Variants in SPIRE1 observed in about 807,000 individuals in gnomAD.
The protein encoded by SPIRE1 is spire type actin nucleation factor 1.
A neutral mutation model predicts 94.1 loss-of-function variants in SPIRE1; 40 were observed. That is an observed-to-expected ratio of 0.43 (90% CI 0.33 to 0.55). SPIRE1 has a LOEUF of 0.55. SPIRE1 is among the 20% of genes least tolerant of loss of function. The pLI is 0.06. For synonymous variants in SPIRE1, 376 were observed against 371.7 expected, an observed-to-expected ratio of 1.01 and a Z score of -0.13; for missense variants, 838 against 975.2, an observed-to-expected ratio of 0.86 and a Z score of 1.87.
chr18:12,461,430 A>ATATACATACATGTG (rs2031799825), intron 12 of SPIRE1, among the ~76,000 whole-genome samples: 8 of 135,832 alleles, frequency 5.9e-5, no homozygotes, highest in Admixed American at 1.5e-4. Flanking sequence ...GTGTGTGTGT[A>ATATACATACATGTG]TGTATGTATA....
chr18:12,461,384 C>A (rs1010242891), intron 12 of SPIRE1, among the ~76,000 whole-genome samples: 11 of 148,190 alleles, frequency 7.4e-5, no homozygotes, highest in African/African-American at 2.8e-4. Context: ...ATGAAAAAAA[C>A]CACAAGTTCC....
chr18:12,653,594 A>G (rs974902284), intron 1 of SPIRE1, among the ~76,000 whole-genome samples: 5 of 152,232 alleles, frequency 3.3e-5, no homozygotes, highest in African/African-American at 4.8e-5. Context: ...CTAGACACTA[A>G]AAGACCAAGA....
intron 6 of SPIRE1, among the ~76,000 whole-genome samples, chr18:12,498,491 G>A (rs550115465): frequency 5.7e-4 from 87 of 152,028 alleles, no homozygotes; most frequent in Non-Finnish European, 1.1e-3. Context: ...CAGGTGATCC[G>A]TCCACCTCGG....
intron 2 of SPIRE1, among the ~76,000 whole-genome samples, chr18:12,579,593 A>G (rs2036204163): frequency 6.6e-6 from 1 of 152,212 alleles, no homozygotes; most frequent in African/African-American, 2.4e-5. Flanking sequence ...AATGCCACTG[A>G]ACTATACAAT....
chr18:12,652,823 A>T (rs35797719), intron 1 of SPIRE1, among the ~76,000 whole-genome samples: 2 of 152,262 alleles, frequency 1.3e-5, no homozygotes, highest in African/African-American at 4.8e-5. Context: ...TTAAAAGTAA[A>T]CAAGAATTAA....
intron 1 of SPIRE1, 141 bp downstream of exon 1, chr18:12,657,389 C>G: frequency 1.5e-6 from 1 of 657,452 alleles, no homozygotes; most frequent in Non-Finnish European, 2.1e-6. Flanking sequence ...CCCTGCGGGT[C>G]CCCGCCGGAT....
chr18:12,617,413 T>C (rs1598538033), intron 2 of SPIRE1, among the ~76,000 whole-genome samples: 2 of 151,698 alleles, frequency 1.3e-5, no homozygotes, highest in South Asian at 4.2e-4. Context: ...TTGTTTTTTG[T>C]TTGTTTGTTT....
At chr18:12,544,980 C>T (rs1414924286) in intron 3 of SPIRE1, among the ~76,000 whole-genome samples, 4 of 152,008 alleles carry the variant, frequency 2.6e-5, no homozygotes, top group Non-Finnish European at 5.9e-5. Context: ...TGTATACTTC[C>T]CCCAACACAC....
intron 2 of SPIRE1, among the ~76,000 whole-genome samples, chr18:12,619,187 C>T (rs1243311988): frequency 6.6e-6 from 1 of 152,180 alleles, no homozygotes; most frequent in Non-Finnish European, 1.5e-5. Flanking sequence ...TGGGCCACCA[C>T]ACCCAGTCCA....
chr18:12,558,756 C>T (rs1216885222), intron 2 of SPIRE1, among the ~76,000 whole-genome samples: 5 of 152,138 alleles, frequency 3.3e-5, no homozygotes, highest in Non-Finnish European at 5.9e-5. Flanking sequence ...CATCCACAAA[C>T]CCGGAGCTAG....
intron 2 of SPIRE1, among the ~76,000 whole-genome samples, chr18:12,584,537 C>T (rs562706949): frequency 2.0e-5 from 3 of 152,202 alleles, no homozygotes; most frequent in Admixed American, 2.0e-4. Context: ...ATAATATAGT[C>T]TCAAAATTTA....
chr18:12,555,788 T>C (rs1705622096), intron 2 of SPIRE1, among the ~76,000 whole-genome samples: 2 of 152,326 alleles, frequency 1.3e-5, no homozygotes, highest in African/African-American at 4.8e-5. Context: ...TTCATCACTG[T>C]TATTCAACAC....
In SPIRE1 at chr18:12,566,701, T is replaced by C. The variant is rs565298429; in HGVS notation, c.373-19797A>G. Among the ~76,000 whole-genome samples, 117 of 152,078 alleles carry C rather than the reference T, an allele frequency of 7.7e-4. 1 individual carries two copies. Among genetic ancestry groups the C allele is most frequent in the African/African-American group, 2.8e-3 (115 of 41,516 alleles). On this transcript the variant is annotated intron_variant, in intron 2 of 16. Transcript: ENST00000409402. ...TAAAGAAACTCAATAAAAGAATAAA[T>C]AATTAATAACCTTCCAAAACAGAAA...
upstream of SPIRE1, chr18:12,662,017 T>G (rs1266507757): frequency 1.1e-5 from 3 of 263,250 alleles, no homozygotes; most frequent in Admixed American, 1.5e-4. Context: ...TTTTTATATT[T>G]ACTTCTTATT....
intron 12 of SPIRE1, among the ~76,000 whole-genome samples, chr18:12,455,168 G>A (rs1568179716): frequency 1.3e-5 from 2 of 152,036 alleles, no homozygotes; most frequent in Admixed American, 6.6e-5. Flanking sequence ...GAACTCCTGG[G>A]CTCAAGTGAT....
intron 2 of SPIRE1, among the ~76,000 whole-genome samples, chr18:12,571,943 G>A (rs1455601147): frequency 6.6e-6 from 1 of 152,182 alleles, no homozygotes; most frequent in African/African-American, 2.4e-5. Flanking sequence ...TGTCATGGGA[G>A]CATATAACAG....
intron 8 of SPIRE1, among the ~76,000 whole-genome samples, chr18:12,489,467 A>C (rs1043243569): frequency 6.6e-6 from 1 of 152,178 alleles, no homozygotes; most frequent in African/African-American, 2.4e-5. Context: ...AGGGGATGCA[A>C]TTATTTCTTG....
chr18:12,499,741 A>C (rs574608355), intron 6 of SPIRE1, among the ~76,000 whole-genome samples: 7 of 152,324 alleles, frequency 4.6e-5, no homozygotes, highest in African/African-American at 7.2e-5. Flanking sequence ...AAATAGATAA[A>C]TTGTATTTCA....
intron 3 of SPIRE1, 46 bp from the exon 4 acceptor site, chr18:12,535,647 G>T: frequency 1.3e-6 from 2 of 1,570,980 alleles, no homozygotes; most frequent in Non-Finnish European, 1.7e-6. Context: ...TACTATTTGG[G>T]TTTTTTTTGT....
Sources: allele counts gnomAD v4.1 joint callset (sites outside exome capture counted in the v4.1 genomes callset), GRCh38; gene constraint gnomAD v4.1.1; transcripts MANE v1.5; gene names NCBI Gene and HGNC (gene_info 2026-07-23, HGNC 2026-07-21).